Variants in WDFY3 observed in about 807,000 individuals in gnomAD.
WDFY3 encodes the protein WD repeat and FYVE domain containing 3, also known as WD repeat and FYVE domain-containing protein 3.
A neutral mutation model predicts 409.6 loss-of-function variants in WDFY3; 66 were observed. The ratio of observed to expected loss-of-function variants is 0.16; its 90% CI spans 0.13 to 0.20. The LOEUF (loss-of-function observed/expected upper bound fraction) is 0.20. WDFY3 is among the 10% of genes least tolerant of loss of function. The pLI is 1.00. For synonymous variants in WDFY3, 1,521 were observed against 1,537.1 expected (o/e 0.99, Z 0.25); for missense variants, 3,031 against 4,298.1 (o/e 0.71, Z 8.24).
intron 10 of WDFY3, among the ~76,000 whole-genome samples, chr4:84,822,655 T>G (rs542733998): frequency 6.6e-6 from 1 of 152,232 alleles, no homozygotes; most frequent in East Asian, 1.9e-4. Flanking sequence ...GAGGTTGCAG[T>G]GGGCTATGAT....
chr4:84,844,641 C>G (rs1757837996), intron 5 of WDFY3: 2 of 611,854 alleles, frequency 3.3e-6, no homozygotes, highest in South Asian at 3.7e-5. Flanking sequence ...GGGGATTGCA[C>G]TACTAGGTTT....
intron 15 of WDFY3, among the ~76,000 whole-genome samples, chr4:84,805,456 C>T (rs1170136349): frequency 6.6e-6 from 1 of 152,042 alleles, no homozygotes; most frequent in Non-Finnish European, 1.5e-5. Flanking sequence ...AGGTGTATTA[C>T]AACAGGCATT....
chr4:84,846,367 T>G (rs1484413480), intron 5 of WDFY3, among the ~76,000 whole-genome samples: 1 of 151,890 alleles, frequency 6.6e-6, no homozygotes, highest in African/African-American at 2.4e-5. Context: ...AACTTAAAAG[T>G]TAAAAAAAAT....
intron 26 of WDFY3, 81 bp from the exon 27 acceptor site, chr4:84,778,736 C>T (rs1745986734): frequency 1.5e-6 from 2 of 1,362,234 alleles, no homozygotes; most frequent in African/African-American, 1.5e-5. Flanking sequence ...CACATACACA[C>T]ACAAACACAC....
rs146467526 is a variant in WDFY3 at position 84,796,680 on chromosome 4, C to T, written c.3008G>A (p.Arg1003Gln). 11 of 1,613,956 alleles carry T rather than the reference C, an allele frequency of 6.8e-6. No individual in the cohort carries two copies. Among genetic ancestry groups the T allele is most frequent in the South Asian group, 1.1e-5 (1 of 91,080 alleles). Residue 1003 changes from arginine to glutamine, a missense_variant, in exon 19 of 68, where the codon CGG becomes CAG. Transcript: ENST00000295888. The part of the protein sequence containing the change: ...VFSLHEDNHY[R>Q]ISKSLVKSAE... Reference sequence around the variant, plus strand: ...AGATTTTACCAGGCTCTTGCTTATCCGGTAATGGTTATCTTCATGTAAGCT... The same window carrying T: ...AGATTTTACCAGGCTCTTGCTTATCTGGTAATGGTTATCTTCATGTAAGCT...
intron 5 of WDFY3, among the ~76,000 whole-genome samples, chr4:84,847,845 C>T (rs1260755924): frequency 7.7e-6 from 1 of 129,086 alleles, no homozygotes; most frequent in Non-Finnish European, 1.7e-5. Flanking sequence ...GAAGAAAATG[C>T]AGCCCCAAAA....
At chr4:84,673,046 G>C in intron 67 of WDFY3, 55 bp from the exon 68 acceptor site, 1 of 1,604,976 alleles carries the variant, frequency 6.2e-7, no homozygotes. Context: ...TTGATCATGG[G>C]CACCGGAAAC....
At chr4:84,964,427 C>T (rs1156653841) in intron 1 of WDFY3, among the ~76,000 whole-genome samples, 3 of 152,218 alleles carry the variant, frequency 2.0e-5, no homozygotes, top group African/African-American at 7.2e-5. Flanking sequence ...CGTGATCGTG[C>T]CACTACACCC....
chr4:84,881,989 T>C (rs951197966), intron 3 of WDFY3, among the ~76,000 whole-genome samples: 5 of 152,200 alleles, frequency 3.3e-5, no homozygotes, highest in Admixed American at 2.6e-4. Context: ...TATAAGGACA[T>C]GAGAAACATT....
chr4:84,894,469 G>A (rs1765348934), intron 3 of WDFY3, among the ~76,000 whole-genome samples: 1 of 152,044 alleles, frequency 6.6e-6, no homozygotes, highest in Non-Finnish European at 1.5e-5. Flanking sequence ...GACCATCCTG[G>A]CCAACACGGT....
chr4:84,871,067 C>A (rs755358018), intron 3 of WDFY3, among the ~76,000 whole-genome samples: 27 of 152,068 alleles, frequency 1.8e-4, no homozygotes, highest in Admixed American at 5.2e-4. Context: ...TGACAAAGAA[C>A]TTTGAGAACT....
At chr4:84,734,759 A>T (rs1737152811) in intron 43 of WDFY3, among the ~76,000 whole-genome samples, 1 of 152,242 alleles carries the variant, frequency 6.6e-6, no homozygotes, top group African/African-American at 2.4e-5. Flanking sequence ...TTTATTAGGA[A>T]CAAAGACATG....
At position 84,820,145 on chromosome 4, in the gene WDFY3, G is replaced by A. The variant is rs2149812600; in HGVS notation, c.1633C>T (p.Leu545=). ...NNSSVEDQKH[L]ALLVMETLTV... The stretch of plus-strand genomic sequence containing the variant: ...AAGGTCTCCATAACCAATAAAGCCA[G>A]GTGTTTTTGGTCTTCAACTGAACTA... The change falls in exon 12 of 68, where the codon CTG becomes TTG. Residue 545 remains leucine (L), a synonymous_variant. Coordinates refer to ENST00000295888, the MANE Select transcript of WDFY3 (RefSeq NM_014991.6). 1 of 1,608,262 alleles carries A rather than the reference G, an allele frequency of 6.2e-7. No individual in the cohort carries two copies. The highest frequency in any genetic ancestry group is 1.1e-5 in the South Asian group (1 of 90,406).
At chr4:84,679,872 G>A (rs1358684875) in intron 64 of WDFY3, among the ~76,000 whole-genome samples, 7 of 150,780 alleles carry the variant, frequency 4.6e-5, no homozygotes, top group African/African-American at 1.7e-4. Context: ...ACACGTACGT[G>A]TGTATATATA....
In WDFY3 at chr4:84,826,867, T is replaced by C; in HGVS notation, c.1071A>G (p.Thr357=). 2 of 1,610,202 alleles carry C rather than the reference T, an allele frequency of 1.2e-6. No homozygotes were observed. The highest frequency in any genetic ancestry group is 1.1e-5 in the South Asian group (1 of 90,450). Reference sequence around the variant, plus strand: ...ATCCAGGCAATAAAAAGGGTGCCCCTGTGGTAATACCAGCTGGTTTTAGTT... The same window carrying C: ...ATCCAGGCAATAAAAAGGGTGCCCCCGTGGTAATACCAGCTGGTTTTAGTT... The part of the protein sequence containing the change: ...VSELKPAGIT[T]GAPFLLPGFA... Residue 357 remains threonine (T), a synonymous_variant, in exon 10 of 68, where the codon ACA becomes ACG. Transcript: ENST00000295888.
chr4:84,786,643 C>T (rs1177345091), intron 23 of WDFY3, among the ~76,000 whole-genome samples: 13 of 152,104 alleles, frequency 8.5e-5, no homozygotes, highest in East Asian at 3.9e-4. Context: ...AAAAGCTGTG[C>T]GACCTATATG....
intron 32 of WDFY3, among the ~76,000 whole-genome samples, chr4:84,761,484 G>C (rs927411018): frequency 3.4e-4 from 52 of 152,176 alleles, no homozygotes; most frequent in African/African-American, 1.3e-3. Context: ...ATGAATCTGG[G>C]TGCTCCTGTA....
At chr4:84,706,794 G>T in intron 53 of WDFY3, among the ~76,000 whole-genome samples, 1 of 152,078 alleles carries the variant, frequency 6.6e-6, no homozygotes, top group East Asian at 1.9e-4. Context: ...GGGAACTGGG[G>T]TGCCCCACGA....
chr4:84,886,902 A>C (rs1764309130), intron 3 of WDFY3, among the ~76,000 whole-genome samples: 1 of 152,176 alleles, frequency 6.6e-6, no homozygotes, highest in Non-Finnish European at 1.5e-5. Context: ...TGGAGTCATC[A>C]CAACTTTGGC....
Sources: allele counts gnomAD v4.1 joint callset (sites outside exome capture counted in the v4.1 genomes callset), GRCh38; gene constraint gnomAD v4.1.1; transcripts MANE v1.5; gene names NCBI Gene and HGNC (gene_info 2026-07-23, HGNC 2026-07-21).